Variants in CR1L observed in about 807,000 individuals in gnomAD.
The protein encoded by CR1L is complement C3b/C4b receptor 1 like, also known as complement component receptor 1-like protein.
Under a neutral mutation model 62.3 loss-of-function variants are expected in CR1L, and 59 were observed. That is an observed-to-expected ratio of 0.95 (90% CI 0.77 to 1.18). The LOEUF (loss-of-function observed/expected upper bound fraction) is 1.18, where lower values mean the gene tolerates loss of function less well. Among genes scored for constraint, CR1L ranks in the 50% most tolerant of loss-of-function variants. The pLI, the probability that CR1L is intolerant of heterozygous loss-of-function variation, is 0.00. For missense variants in CR1L, 700 were observed against 702.8 expected, an observed-to-expected ratio of 1.00 and a Z score of 0.04; for synonymous variants, 279 against 248.7, an observed-to-expected ratio of 1.12 and a Z score of -1.15.
intron 8 of CR1L, 128 bp downstream of exon 8, chr1:207,699,402 T>G: frequency 8.7e-7 from 1 of 1,151,076 alleles, no homozygotes. Context: ...ATTTCTTATT[T>G]TAGTAATGTT....
intron 1 of CR1L, among the ~76,000 whole-genome samples, chr1:207,653,498 A>G (rs940005961): frequency 2.6e-5 from 4 of 152,246 alleles, no homozygotes; most frequent in Non-Finnish European, 5.9e-5. Flanking sequence ...AAACTCTTAG[A>G]GTTAAAGTAG....
rs577140082 is a variant in CR1L at position 207,678,303 on chromosome 1, T to C, written c.377+6T>C. The C allele has an allele frequency of 1.4e-5, 22 of 1,609,070 alleles. No individual in the cohort carries two copies. The East Asian group carries it at 4.0e-4, about 29-fold the overall frequency. On this transcript the variant is annotated splice_donor_region_variant and intron_variant, in intron 3 of 11. Transcript: ENST00000508064. ...AAATATTCTTGTCCTAAAGGGTGAG[T>C]TGGCATCTCTTGAACCAACATCTCT... is the stretch of plus-strand genomic sequence containing the variant.
intron 9 of CR1L, among the ~76,000 whole-genome samples, chr1:207,706,720 A>C (rs1664273326): frequency 6.6e-6 from 1 of 152,238 alleles, no homozygotes; most frequent in Non-Finnish European, 1.5e-5. Context: ...TACACATTAA[A>C]GAATAAGCAA....
In CR1L at chr1:207,719,252, G is replaced by A. The variant is rs867879476; in HGVS notation, c.1642+1561G>A. Among the ~76,000 whole-genome samples, 47 of 108,034 alleles carry A rather than the reference G, an allele frequency of 4.4e-4. 1 individual carries two copies. In the South Asian group the frequency reaches 0.013, roughly 31 times the overall value. 70.9% of individuals were successfully genotyped at this position (108,034 alleles called of 152,430 possible). A position where few individuals can be genotyped will look rare whatever the true frequency, so the allele number is the denominator to read the frequency against. On this transcript the variant is annotated intron_variant, in intron 11 of 11. Coordinates refer to ENST00000508064, the MANE Select transcript of CR1L (RefSeq NM_175710.2). ...GTGCACATGTACCCTAAAACTTAAA[G>A]TATAATTTAAAAAAAAAAAACATTA...
At chr1:207,689,604 T>C (rs1663966247) in intron 4 of CR1L, among the ~76,000 whole-genome samples, 1 of 152,106 alleles carries the variant, frequency 6.6e-6, no homozygotes, top group Non-Finnish European at 1.5e-5. Flanking sequence ...GGTTTGGGCA[T>C]CAAGATTATG....
chr1:207,703,903 G>A (rs1422296017), intron 9 of CR1L, among the ~76,000 whole-genome samples: 4 of 152,006 alleles, frequency 2.6e-5, no homozygotes, highest in Non-Finnish European at 5.9e-5. Flanking sequence ...CCAGTGAGCC[G>A]AGATTGCGTC....
chr1:207,701,681 A>G, intron 9 of CR1L, 63 bp downstream of exon 9: 1 of 1,607,188 alleles, frequency 6.2e-7, no homozygotes, highest in Non-Finnish European at 8.5e-7. Flanking sequence ...CCTTCTAGCC[A>G]CATCTCAGGA....
intron 10 of CR1L, among the ~76,000 whole-genome samples, chr1:207,714,891 A>G (rs939421527): frequency 6.6e-6 from 1 of 152,132 alleles, no homozygotes; most frequent in Non-Finnish European, 1.5e-5. Flanking sequence ...TTGCTTACCA[A>G]ATCAAAAGCT....
intron 4 of CR1L, among the ~76,000 whole-genome samples, chr1:207,685,896 G>A (rs142079089): frequency 0.01 from 1,556 of 152,130 alleles, 16 homozygotes; most frequent in Non-Finnish European, 0.015. Context: ...TGTAACCCTA[G>A]TCCAGAACCG....
rs780032330 is a variant in CR1L, at chr1:207,708,162, C to A, written c.1329-16C>A. The A allele has an allele frequency of 6.2e-7, 1 of 1,610,284 alleles. No individual in the cohort carries two copies. Among genetic ancestry groups the A allele is most frequent in the African/African-American group, 1.3e-5 (1 of 74,752 alleles). ...AGGTATGTACAGCACAATTATTTTCCATTTTTTGCCTTTAGGCACCGACTC... is the reference window on the plus strand; with the variant it reads ...AGGTATGTACAGCACAATTATTTTCAATTTTTTGCCTTTAGGCACCGACTC... On this transcript the variant is annotated splice_polypyrimidine_tract_variant and intron_variant, in intron 9 of 11. Coordinates refer to ENST00000508064, the MANE Select transcript of CR1L (RefSeq NM_175710.2).
At chr1:207,692,034 T>C (rs546009413) in intron 4 of CR1L, among the ~76,000 whole-genome samples, 6 of 152,290 alleles carry the variant, frequency 3.9e-5, no homozygotes, top group African/African-American at 1.4e-4. Flanking sequence ...TAGCTCAGCG[T>C]TTGGCTTATT....
chr1:207,710,848 T>A, intron 10 of CR1L: 7 of 1,405,368 alleles, frequency 5.0e-6, no homozygotes, highest in South Asian at 1.2e-5. Flanking sequence ...GATCAGGAGA[T>A]GAGTATTTGT....
intron 1 of CR1L, among the ~76,000 whole-genome samples, chr1:207,653,830 C>A (rs1404816347): frequency 1.3e-5 from 2 of 152,034 alleles, no homozygotes; most frequent in Non-Finnish European, 2.9e-5. Flanking sequence ...CTAGATAATT[C>A]ATAAAGAAAA....
chr1:207,695,495 G>C (rs534063797), intron 5 of CR1L, among the ~76,000 whole-genome samples: 5 of 152,144 alleles, frequency 3.3e-5, no homozygotes, highest in African/African-American at 1.2e-4. Flanking sequence ...TTAACTTGCA[G>C]ACTGAAGACT....
At position 207,645,263 on chromosome 1, in the gene CR1L, C is replaced by G. The variant is rs1276171642; in HGVS notation, c.30C>G (p.Pro10=). 1 of 1,613,764 alleles carries G rather than the reference C, an allele frequency of 6.2e-7. No homozygotes were observed. Among genetic ancestry groups the G allele is most frequent in the Non-Finnish European group, 8.5e-7 (1 of 1,180,028 alleles). Reference sequence around the variant, plus strand: ...CGCCTCCCGTCCGTCTCGAGCGTCCCTTTCCTTCCCGGCGCTTTCCTGGGT... The same window carrying G: ...CGCCTCCCGTCCGTCTCGAGCGTCCGTTTCCTTCCCGGCGCTTTCCTGGGT... The part of the protein sequence containing the change: MAPPVRLER[P]FPSRRFPGLL... The change falls in exon 1 of 12, where the codon CCC becomes CCG. Residue 10 remains proline, a synonymous_variant. Coordinates refer to ENST00000508064, the MANE Select transcript of CR1L (RefSeq NM_175710.2).
chr1:207,689,876 A>G (rs1459194043), intron 4 of CR1L, among the ~76,000 whole-genome samples: 1 of 151,884 alleles, frequency 6.6e-6, no homozygotes, highest in Non-Finnish European at 1.5e-5. Flanking sequence ...TTTTATTTAA[A>G]TTTTCTAGGT....
chr1:207,703,173 A>C (rs1043113017), intron 9 of CR1L, among the ~76,000 whole-genome samples: 1 of 152,224 alleles, frequency 6.6e-6, no homozygotes, highest in African/African-American at 2.4e-5. Flanking sequence ...AAGATCATTG[A>C]TGAAGGTGTT....
chr1:207,677,178 C>G (rs565216969), intron 1 of CR1L, among the ~76,000 whole-genome samples: 8 of 151,622 alleles, frequency 5.3e-5, no homozygotes, highest in African/African-American at 1.9e-4. Flanking sequence ...AAAAATTAGC[C>G]GGATGTGATG....
intron 3 of CR1L, among the ~76,000 whole-genome samples, chr1:207,678,719 C>T (rs116553373): frequency 1.9e-3 from 293 of 152,276 alleles, no homozygotes; most frequent in African/African-American, 6.2e-3. Flanking sequence ...AAACAGGCGG[C>T]TTAATACAAA....
Sources: allele counts gnomAD v4.1 joint callset (sites outside exome capture counted in the v4.1 genomes callset), GRCh38; gene constraint gnomAD v4.1.1; transcripts MANE v1.5; gene names NCBI Gene and HGNC (gene_info 2026-07-23, HGNC 2026-07-21).